The following KLHL24 variants were observed in gnomAD, a reference collection of about 807,000 sequenced individuals.
KLHL24 encodes the protein kelch like family member 24.
Under a neutral mutation model 53.4 loss-of-function variants are expected in KLHL24, and 29 were observed. The observed-to-expected ratio is 0.54, with a 90% CI of 0.40 to 0.74. The LOEUF (loss-of-function observed/expected upper bound fraction) is 0.74, where lower values mean the gene tolerates loss of function less well. Ranked by LOEUF, KLHL24 falls within the 30% of genes least tolerant of loss-of-function variation. The pLI, the probability that KLHL24 is intolerant of heterozygous loss-of-function variation, is 0.00. For synonymous variants in KLHL24, 222 were observed against 253.7 expected, an observed-to-expected ratio of 0.88 and a Z score of 1.19; for missense variants, 504 against 744.0, an observed-to-expected ratio of 0.68 and a Z score of 3.75.
chr3:183,679,384 C>CA lies in KLHL24; in HGVS notation c.*104dup, dbSNP rs1476423340. 9 of 753,048 alleles carry CA rather than the reference C, an allele frequency of 1.2e-5. No individual in the cohort carries two copies. In the African/African-American group the frequency reaches 1.2e-4, roughly 10 times the overall value. The allele number at this position is 753,048 out of a possible 1,614,324, so 46.6% of individuals were successfully genotyped here. ...TCACATATCTCCTTTGTGCCATATGCAAAAAATAGTAAAAATAATAATTTG... is the reference window on the plus strand; with the variant it reads ...TCACATATCTCCTTTGTGCCATATGCAAAAAAATAGTAAAAATAATAATTTG... On this transcript the variant is annotated 3_prime_UTR_variant, in exon 8 of 8. Transcript: ENST00000242810.
intron 1 of KLHL24, among the ~76,000 whole-genome samples, chr3:183,642,169 T>G (rs1482716652): frequency 6.6e-6 from 1 of 152,242 alleles, no homozygotes; most frequent in Non-Finnish European, 1.5e-5. Context: ...AGGTTCTTTA[T>G]AAATGTTTCA....
intron 3 of KLHL24, among the ~76,000 whole-genome samples, chr3:183,662,748 G>C (rs1719985308): frequency 6.6e-6 from 1 of 152,066 alleles, no homozygotes; most frequent in South Asian, 2.1e-4. Context: ...GATAGAAATG[G>C]GGGGAGCCAA....
In KLHL24 at chr3:183,681,042, A is replaced by G. The variant is rs1712624803; in HGVS notation, c.*1756A>G. The G allele has an allele frequency of 6.6e-6, 1 of 152,168 alleles. No homozygotes were observed. The highest frequency in any genetic ancestry group is 6.5e-5 in the Admixed American group (1 of 15,280). 9.4% of individuals were successfully genotyped at this position (152,168 alleles called of 1,614,324 possible). A position where few individuals can be genotyped will look rare whatever the true frequency, so the allele number is the denominator to read the frequency against. On this transcript the variant is annotated 3_prime_UTR_variant, in exon 8 of 8. Coordinates refer to ENST00000242810, the MANE Select transcript of KLHL24 (RefSeq NM_017644.3). Reference sequence around the variant, plus strand: ...AATCTACATTCTGAGGAAAACTCTAAAAAACTTAAAAATTTTTAGGGAATT... The same window carrying G: ...AATCTACATTCTGAGGAAAACTCTAGAAAACTTAAAAATTTTTAGGGAATT...
chr3:183,675,743 G>T (rs1359437524), intron 7 of KLHL24, among the ~76,000 whole-genome samples: 1 of 151,094 alleles, frequency 6.6e-6, no homozygotes, highest in East Asian at 1.9e-4. Context: ...GACCAGCCTG[G>T]GTGACACAGT....
chr3:183,676,478 A>G (rs923928555), intron 7 of KLHL24, among the ~76,000 whole-genome samples: 5 of 152,224 alleles, frequency 3.3e-5, no homozygotes, highest in Non-Finnish European at 5.9e-5. Context: ...AAAAGGATAA[A>G]TCAAACTAAT....
chr3:183,655,828 G>A (rs1480213728), intron 3 of KLHL24, among the ~76,000 whole-genome samples: 2 of 151,960 alleles, frequency 1.3e-5, no homozygotes, highest in African/African-American at 4.8e-5. Context: ...AGGCTGAGGA[G>A]GCTGAGGCAG....
At position 183,650,211 on chromosome 3, in the gene KLHL24, TGTA is replaced by T. The variant is rs765890369; in HGVS notation, c.-61-82_-61-80del. ...TATGAAATATATTATGTGATTTTGT[TGTA>T]GTGTTTATATTAAAATGAAATTATG... is the stretch of plus-strand genomic sequence containing the variant. On this transcript the variant is annotated intron_variant, in intron 2 of 7. Coordinates refer to ENST00000242810, the MANE Select transcript of KLHL24 (RefSeq NM_017644.3). This position sits in a 1 kb window ranked among gnomAD's most constrained non-coding sequence, Gnocchi z 4.5. 7 of 619,654 alleles carry T rather than the reference TGTA, an allele frequency of 1.1e-5. No homozygotes were observed. The highest frequency in any genetic ancestry group is 1.1e-4 in the African/African-American group (6 of 54,276). The allele number at this position is 619,654 out of a possible 1,614,324, so 38.4% of individuals were successfully genotyped here. A position where few individuals can be genotyped will look rare whatever the true frequency, so the allele number is the denominator to read the frequency against.
At chr3:183,667,608 C>T (rs1241555210) in intron 5 of KLHL24, among the ~76,000 whole-genome samples, 2 of 152,118 alleles carry the variant, frequency 1.3e-5, no homozygotes, top group Non-Finnish European at 2.9e-5. Flanking sequence ...CAGTCCCCCA[C>T]CAGCCCCCCA....
intron 7 of KLHL24, among the ~76,000 whole-genome samples, chr3:183,678,010 C>A (rs1304895815): frequency 6.6e-6 from 1 of 152,172 alleles, no homozygotes; most frequent in Admixed American, 6.5e-5. Context: ...CCAGACTGGT[C>A]TCGAACTCTT....
intron 2 of KLHL24, among the ~76,000 whole-genome samples, chr3:183,647,139 A>T (rs1475568106): frequency 2.1e-5 from 3 of 146,128 alleles, no homozygotes; most frequent in African/African-American, 5.1e-5. Context: ...AAAAAAAAAA[A>T]GCTGGGCGCA....
At chr3:183,660,552 A>G (rs1719587020) in intron 3 of KLHL24, among the ~76,000 whole-genome samples, 1 of 152,052 alleles carries the variant, frequency 6.6e-6, no homozygotes, top group Non-Finnish European at 1.5e-5. Flanking sequence ...ATTTTCTACC[A>G]TTAAGTAAGA....
chr3:183,666,376 C>T (rs1280765677), intron 5 of KLHL24, among the ~76,000 whole-genome samples: 1 of 152,106 alleles, frequency 6.6e-6, no homozygotes, highest in African/African-American at 2.4e-5. Context: ...ATCCCTTCTA[C>T]GTCAGCCTCC....
chr3:183,676,765 TGAA>T (rs1229148029), intron 7 of KLHL24, among the ~76,000 whole-genome samples: 2 of 152,196 alleles, frequency 1.3e-5, no homozygotes, highest in African/African-American at 4.8e-5. Flanking sequence ...AAGTCAGTGA[TGAA>T]GACTTTTTTT....
At position 183,665,506 on chromosome 3, in the gene KLHL24, T is replaced by G. The variant is rs1193908335; in HGVS notation, c.1224+467T>G. On this transcript the variant is annotated intron_variant, in intron 5 of 7. Coordinates refer to ENST00000242810, the MANE Select transcript of KLHL24 (RefSeq NM_017644.3). ...TGGCTCACGCCTGTAATCCCAGCACTTTGGGAGGCTGAGGCGGGCAGATCA... is the reference window on the plus strand; with the variant it reads ...TGGCTCACGCCTGTAATCCCAGCACGTTGGGAGGCTGAGGCGGGCAGATCA... Among the ~76,000 whole-genome samples the G allele has an allele frequency of 5.3e-5, 8 of 152,292 alleles. 1 individual carries two copies. In the South Asian group the frequency reaches 1.7e-3, roughly 32 times the overall value.
In KLHL24 at chr3:183,651,276, G is replaced by A. The variant is rs771892397; in HGVS notation, c.920G>A (p.Arg307Lys). The A allele has an allele frequency of 1.2e-6, 2 of 1,605,072 alleles. No individual in the cohort carries two copies. The highest frequency in any genetic ancestry group is 1.3e-5 in the African/African-American group (1 of 74,710). ...ATGTCCCCAAGGACTAGGCCACGCA[G>A]GTGAGAAGACTGTTTTCAAATATAG... Reference protein sequence around the residue: ...EMMSPRTRPRRSTGYSEVIVV... With the variant: ...EMMSPRTRPRKSTGYSEVIVV... The change falls in exon 3 of 8, where the codon AGG becomes AAG. Residue 307 changes from arginine to lysine, a missense_variant and splice_region_variant. Arg to Lys is a conservative substitution (Grantham distance 26, BLOSUM62 2). Transcript: ENST00000242810.
At chr3:183,636,043 G>C (rs1310251015) in intron 1 of KLHL24, among the ~76,000 whole-genome samples, 1 of 151,628 alleles carries the variant, frequency 6.6e-6, no homozygotes, top group Non-Finnish European at 1.5e-5. Context: ...CTACGGCCCG[G>C]AACCGCGGCG....
Position 183,650,914 on chromosome 3 carries a change from A to T in KLHL24, c.558A>T (p.Lys186Asn). ...ATTCACTCAAAACACTCTTCACAAA[A>T]TGCAAAAATTTTGCGTTACAGACTT... is the stretch of plus-strand genomic sequence containing the variant. ...DTHSLKTLFT[K>N]CKNFALQTFE... Residue 186 changes from lysine to asparagine, a missense_variant, in exon 3 of 8, where the codon AAA (lysine) becomes AAT (asparagine). By Grantham distance (94) the Lys-to-Asn change is moderately conservative. Transcript: ENST00000242810. This position sits in a 1 kb window ranked among gnomAD's most constrained non-coding sequence, Gnocchi z 4.5. 1 of 1,614,246 alleles carries T rather than the reference A, an allele frequency of 6.2e-7. No homozygotes were observed. The highest frequency in any genetic ancestry group is 8.5e-7 in the Non-Finnish European group (1 of 1,180,048).
At chr3:183,645,974 T>C (rs887634951) in intron 2 of KLHL24, among the ~76,000 whole-genome samples, 1 of 152,232 alleles carries the variant, frequency 6.6e-6, no homozygotes, top group African/African-American at 2.4e-5. Context: ...ATAACTATTA[T>C]ATTACATCAC....
chr3:183,647,884 T>C (rs1314326296), intron 2 of KLHL24, among the ~76,000 whole-genome samples: 2 of 152,050 alleles, frequency 1.3e-5, no homozygotes, highest in Non-Finnish European at 2.9e-5. Context: ...CATGCGCCTG[T>C]AATCCCAGTT....
Sources: allele counts gnomAD v4.1 joint callset (sites outside exome capture counted in the v4.1 genomes callset), GRCh38; gene constraint gnomAD v4.1.1; non-coding constraint Gnocchi (gnomAD v3.1); transcripts MANE v1.5; gene names NCBI Gene and HGNC (gene_info 2026-07-23, HGNC 2026-07-21).